Variants in FANCC observed in about 807,000 individuals in gnomAD.
The protein encoded by FANCC is FA complementation group C.
FANCC carries 55 observed loss-of-function variants against 71.3 expected under a neutral mutation model. The ratio of observed to expected loss-of-function variants is 0.77; its 90% CI spans 0.62 to 0.97. The LOEUF is 0.97. Ranked by LOEUF, FANCC falls within the 50% of genes least tolerant of loss-of-function variation. The pLI is 0.00. For missense variants in FANCC, 678 were observed against 670.9 expected, an observed-to-expected ratio of 1.01 and a Z score of -0.12; for synonymous variants, 275 against 244.9, an observed-to-expected ratio of 1.12 and a Z score of -1.15.
chr9:95,301,753 T>G (rs1448327346), intron 1 of FANCC, among the ~76,000 whole-genome samples: 1 of 151,776 alleles, frequency 6.6e-6, no homozygotes, highest in African/African-American at 2.4e-5. Flanking sequence ...TTCAATTTAA[T>G]TGAAATAAAA....
rs2071066569 is a variant in FANCC, at chr9:95,101,364, T to C, written c.*343A>G. 9.9e-6 allele frequency: 4 copies of C among 405,374 alleles called. No homozygotes were observed. Among genetic ancestry groups the C allele is most frequent in the Admixed American group, 3.8e-5 (1 of 25,996 alleles). The allele number at this position is 405,374 out of a possible 1,614,324, so 25.1% of individuals were successfully genotyped here. The stretch of plus-strand genomic sequence containing the variant: ...TCTAAGACTTTGAATTTTTAAATAA[T>C]AGATGTGCAGCTTGACTTGGGTAAA... On this transcript the variant is annotated 3_prime_UTR_variant, in exon 15 of 15. Transcript: ENST00000289081.
chr9:95,171,484 T>C (rs2135583224), intron 5 of FANCC, among the ~76,000 whole-genome samples: 1 of 152,050 alleles, frequency 6.6e-6, no homozygotes, highest in Non-Finnish European at 1.5e-5. Flanking sequence ...GTTGTTATTG[T>C]ACAAAGCTTC....
intron 4 of FANCC, among the ~76,000 whole-genome samples, chr9:95,210,131 A>G (rs1044361957): frequency 6.6e-6 from 1 of 152,236 alleles, no homozygotes; most frequent in Non-Finnish European, 1.5e-5. Flanking sequence ...AATTTTAGAA[A>G]CAGGAAAAAT....
At chr9:95,303,952 G>T (rs1000397167) in intron 1 of FANCC, among the ~76,000 whole-genome samples, 1 of 152,098 alleles carries the variant, frequency 6.6e-6, no homozygotes, top group African/African-American at 2.4e-5. Context: ...AGATTGAAAG[G>T]GCTGACCAAG....
At chr9:95,283,254 T>C (rs1262491421) in intron 1 of FANCC, among the ~76,000 whole-genome samples, 2 of 152,198 alleles carry the variant, frequency 1.3e-5, no homozygotes, top group Non-Finnish European at 2.9e-5. Flanking sequence ...GCTGGACTTG[T>C]TGATAGTTAG....
At position 95,101,683 on chromosome 9, in the gene FANCC, G is replaced by T; in HGVS notation, c.*24C>A. The T allele has an allele frequency of 6.2e-7, 1 of 1,612,838 alleles. No homozygotes were observed. On this transcript the variant is annotated 3_prime_UTR_variant, in exon 15 of 15. Transcript: ENST00000289081. ...TGGCGAGCCTGATCCCTCACGCCGG[G>T]CACCCACACGGCCTGCGTGCCTTCT... is the stretch of plus-strand genomic sequence containing the variant.
At chr9:95,156,236 A>G (rs141085066) in intron 6 of FANCC, among the ~76,000 whole-genome samples, 3 of 152,302 alleles carry the variant, frequency 2.0e-5, no homozygotes, top group African/African-American at 7.2e-5. Flanking sequence ...AGGAGTAGCA[A>G]GGATAAAATT....
At chr9:95,133,022 G>A (rs2135120685) in intron 8 of FANCC, among the ~76,000 whole-genome samples, 1 of 152,360 alleles carries the variant, frequency 6.6e-6, no homozygotes, top group South Asian at 2.1e-4. Flanking sequence ...TTCCTCTGGA[G>A]CACAGCGCAG....
chr9:95,233,650 G>T (rs972564119), intron 4 of FANCC, among the ~76,000 whole-genome samples: 1 of 152,168 alleles, frequency 6.6e-6, no homozygotes, highest in Non-Finnish European at 1.5e-5. Flanking sequence ...AGATATTAGG[G>T]TTGAGAAAAG....
chr9:95,259,621 C>T (rs1831897052), intron 1 of FANCC, among the ~76,000 whole-genome samples: 1 of 152,192 alleles, frequency 6.6e-6, no homozygotes, highest in Non-Finnish European at 1.5e-5. Context: ...CCATTTAGGA[C>T]ATAGGCATGG....
At chr9:95,148,585 T>C (rs1829872328) in intron 7 of FANCC, among the ~76,000 whole-genome samples, 1 of 152,254 alleles carries the variant, frequency 6.6e-6, no homozygotes, top group Non-Finnish European at 1.5e-5. Context: ...AAGTCATTTC[T>C]GATGAGCTCC....
At chr9:95,293,933 T>A in intron 1 of FANCC, 4 of 1,590,756 alleles carry the variant, frequency 2.5e-6, no homozygotes, top group Non-Finnish European at 2.6e-6. Context: ...ACAAGTAACA[T>A]TATAAGCAAC....
intron 1 of FANCC, among the ~76,000 whole-genome samples, chr9:95,280,007 G>A (rs1255535907): frequency 7.7e-6 from 1 of 129,408 alleles, no homozygotes; most frequent in East Asian, 2.3e-4. Flanking sequence ...CAGACTTTAA[G>A]AAAACATGAT....
intron 13 of FANCC, among the ~76,000 whole-genome samples, chr9:95,108,601 G>A (rs1345439320): frequency 6.6e-6 from 1 of 152,042 alleles, no homozygotes; most frequent in Non-Finnish European, 1.5e-5. Context: ...CATGTCCTAA[G>A]TTTTTCAGGA....
At chr9:95,165,512 A>T (rs1170066347) in intron 6 of FANCC, among the ~76,000 whole-genome samples, 1 of 151,610 alleles carries the variant, frequency 6.6e-6, no homozygotes, top group Non-Finnish European at 1.5e-5. Context: ...GTCTCAAGTT[A>T]TTGTCTGTGT....
intron 6 of FANCC, among the ~76,000 whole-genome samples, chr9:95,168,532 T>G (rs1277121962): frequency 6.6e-6 from 1 of 152,202 alleles, no homozygotes; most frequent in African/African-American, 2.4e-5. Flanking sequence ...GGTTTTAAAT[T>G]GTGCACTGTT....
chr9:95,228,285 TA>T (rs1394408487), intron 4 of FANCC, among the ~76,000 whole-genome samples: 1 of 152,154 alleles, frequency 6.6e-6, no homozygotes, highest in Non-Finnish European at 1.5e-5. Flanking sequence ...CTCACACCAT[TA>T]ATTTATAAAC....
intron 1 of FANCC, among the ~76,000 whole-genome samples, chr9:95,291,970 ATATATAT>A (rs2136316047): frequency 1.2e-5 from 1 of 83,874 alleles, no homozygotes; most frequent in East Asian, 3.1e-4. Flanking sequence ...AAAAAAAAAT[ATATATAT>A]ATATATATAT....
chr9:95,235,999 G>A (rs1830300131), intron 4 of FANCC, among the ~76,000 whole-genome samples: 1 of 151,980 alleles, frequency 6.6e-6, no homozygotes, highest in Non-Finnish European at 1.5e-5. Flanking sequence ...GTGTAAGTCT[G>A]TTAGATTTTT....
Sources: allele counts gnomAD v4.1 joint callset (sites outside exome capture counted in the v4.1 genomes callset), GRCh38; gene constraint gnomAD v4.1.1; transcripts MANE v1.5; gene names NCBI Gene and HGNC (gene_info 2026-07-23, HGNC 2026-07-21).